Variants in CYB5D2 observed in about 807,000 individuals in gnomAD.
The protein encoded by CYB5D2 is neuferricin.
Under a neutral mutation model 22.8 loss-of-function variants are expected in CYB5D2, and 23 were observed. The ratio of observed to expected loss-of-function variants is 1.01; its 90% CI spans 0.73 to 1.43. The LOEUF is 1.43. Among genes scored for constraint, CYB5D2 ranks in the 40% most tolerant of loss-of-function variants. The pLI is 0.00. For missense variants in CYB5D2, 373 were observed against 357.2 expected (o/e 1.04, Z -0.36); for synonymous variants, 170 against 152.2 (o/e 1.12, Z -0.86).
intron 3 of CYB5D2, among the ~76,000 whole-genome samples, chr17:4,155,391 G>A (rs746182063): frequency 6.6e-6 from 1 of 152,186 alleles, no homozygotes. Flanking sequence ...ACTGAGGCAG[G>A]CAGGTCGCTT....
chr17:4,154,633 A>G, intron 2 of CYB5D2, 41 bp from the exon 3 acceptor site: 1 of 1,586,240 alleles, frequency 6.3e-7, no homozygotes, highest in Non-Finnish European at 8.6e-7. Context: ...TCAGCAGCTG[A>G]GTATTCACTC....
intron 2 of CYB5D2, chr17:4,150,813 GA>G (rs1177842802): frequency 6.6e-5 from 10 of 152,346 alleles, no homozygotes; most frequent in African/African-American, 2.2e-4. Context: ...TTCAGCCCGG[GA>G]GATGGAGGTT....
At position 4,153,474 on chromosome 17, in the gene CYB5D2, A is replaced by G. The variant is rs370477321; in HGVS notation, c.392-1200A>G. Among the ~76,000 whole-genome samples the G allele has an allele frequency of 3.5e-4, 53 of 152,358 alleles. No individual in the cohort carries two copies. In the East Asian group the frequency reaches 9.1e-3, roughly 26 times the overall value. On this transcript the variant is annotated intron_variant, in intron 2 of 3. Coordinates refer to ENST00000301391, the MANE Select transcript of CYB5D2 (RefSeq NM_144611.4). ...GTTACAGGGCCTTAGAGGCCTTGAT[A>G]AGAAATTTGCATTTTTGTCTGCTTT...
Position 4,149,987 on chromosome 17 carries a change from T to C in CYB5D2, c.347T>C (p.Leu116Pro). The change falls in exon 2 of 4, where the codon CTT becomes CCT. Residue 116 changes from leucine to proline, a missense_variant. Physicochemically the swap from Leu to Pro is moderately conservative, Grantham distance 98 (BLOSUM62 -3). Coordinates refer to ENST00000301391, the MANE Select transcript of CYB5D2 (RefSeq NM_144611.4). ...CTGTCAGCCGCTGAGATGCTGACAC[T>C]TCACAATTGGCTTTCATTCTATGAG... is the stretch of plus-strand genomic sequence containing the variant. ...SDLSAAEMLTLHNWLSFYEKN... is the reference protein window; with the variant it reads ...SDLSAAEMLTPHNWLSFYEKN... 6.2e-7 allele frequency: 1 copy of C among 1,614,158 alleles called. No homozygotes were observed. The highest frequency in any genetic ancestry group is 1.1e-5 in the South Asian group (1 of 91,074).
chr17:4,149,767 C>T (rs2081279164), intron 1 of CYB5D2, 124 bp from the exon 2 acceptor site: 1 of 1,249,742 alleles, frequency 8.0e-7, no homozygotes, highest in African/African-American at 1.5e-5. Context: ...CCACTGCACT[C>T]CAGCCTGGGC....
At chr17:4,156,753 A>G (rs553796593) in intron 3 of CYB5D2, 113 bp from the exon 4 acceptor site, 16 of 1,154,160 alleles carry the variant, frequency 1.4e-5, no homozygotes, top group Non-Finnish European at 2.0e-5. Context: ...CTTGGGAAAC[A>G]CTCTGGTAGG....
chr17:4,150,660 G>C (rs1474888805), intron 2 of CYB5D2, among the ~76,000 whole-genome samples: 1 of 152,138 alleles, frequency 6.6e-6, no homozygotes, highest in African/African-American at 2.4e-5. Flanking sequence ...TGAGGCGGTT[G>C]GATCACTTGA....
intron 3 of CYB5D2, among the ~76,000 whole-genome samples, chr17:4,155,966 C>T (rs1173401501): frequency 6.6e-6 from 1 of 152,260 alleles, no homozygotes; most frequent in Non-Finnish European, 1.5e-5. Flanking sequence ...TCCCATTAGA[C>T]TGAGAGGAAC....
rs144617379 is a variant in CYB5D2 at position 4,143,759 on chromosome 17, T to C, written c.4T>C (p.Leu2=). M[L]RCGGRGLLLG... is the part of the protein sequence containing the mutation. ...CGGAGCGGGTGGGCCTATATAGATG[T>C]TGAGGTGCGGAGGCCGTGGGCTTTT... The change falls in exon 1 of 4, where the codon TTG becomes CTG. Residue 2 remains leucine (L), a synonymous_variant. Coordinates refer to ENST00000301391, the MANE Select transcript of CYB5D2 (RefSeq NM_144611.4). 6.2e-7 allele frequency: 1 copy of C among 1,613,074 alleles called. No individual in the cohort carries two copies. Among genetic ancestry groups the C allele is most frequent in the African/African-American group, 1.3e-5 (1 of 74,864 alleles).
rs1243153123 is a variant in CYB5D2, at chr17:4,150,006, C to G, written c.366C>G (p.Phe122Leu). 2 of 1,614,070 alleles carry G rather than the reference C, an allele frequency of 1.2e-6. No homozygotes were observed. The highest frequency in any genetic ancestry group is 1.7e-6 in the Non-Finnish European group (2 of 1,180,034). The part of the protein sequence containing the change: ...EMLTLHNWLS[F>L]YEKNYVCVGR... ...TGACACTTCACAATTGGCTTTCATT[C>G]TATGAGAAGAATTATGTGTGTGTTG... is the stretch of plus-strand genomic sequence containing the variant. Residue 122 changes from phenylalanine to leucine, a missense_variant, in exon 2 of 4, where the codon TTC becomes TTG. Phe to Leu is a conservative substitution (Grantham distance 22). Coordinates refer to ENST00000301391, the MANE Select transcript of CYB5D2 (RefSeq NM_144611.4).
At position 4,143,913 on chromosome 17, in the gene CYB5D2, C is replaced by CGGGCCTGTACTTGGCGTTGCT; in HGVS notation, c.159_179dup (p.Leu55_Gly61dup). 1.2e-6 allele frequency: 2 copies of CGGGCCTGTACTTGGCGTTGCT among 1,613,762 alleles called. No homozygotes were observed. The highest frequency in any genetic ancestry group is 1.7e-6 in the Non-Finnish European group (2 of 1,180,004). ...CGCTACCGCGGCGGCCCAGGGGACC[C>CGGGCCTGTACTTGGCGTTGCT]GGGCCTGTACTTGGCGTTGCTCGGC... is the stretch of plus-strand genomic sequence containing the variant. On this transcript the variant is annotated inframe_insertion, in exon 1 of 4. Coordinates refer to ENST00000301391, the MANE Select transcript of CYB5D2 (RefSeq NM_144611.4).
At position 4,157,140 on chromosome 17, in the gene CYB5D2, C is replaced by T. The variant is rs970344518; in HGVS notation, c.*58C>T. On this transcript the variant is annotated 3_prime_UTR_variant, in exon 4 of 4. Transcript: ENST00000301391. This position sits in a 1 kb window ranked among gnomAD's most constrained non-coding sequence, Gnocchi z 4.4. Reference sequence around the variant, plus strand: ...AGCTCTGCCAAGCACCTGAGTAGGCCCTTGACACTTGTGTGCCCTGGGATG... The same window carrying T: ...AGCTCTGCCAAGCACCTGAGTAGGCTCTTGACACTTGTGTGCCCTGGGATG... The T allele has an allele frequency of 6.4e-6, 10 of 1,571,662 alleles. No individual in the cohort carries two copies. Among genetic ancestry groups the T allele is most frequent in the Non-Finnish European group, 8.7e-6 (10 of 1,152,516 alleles).
Position 4,156,916 on chromosome 17 carries a change from C to T in CYB5D2, c.629C>T (p.Pro210Leu). 1 of 1,612,798 alleles carries T rather than the reference C, an allele frequency of 6.2e-7. No homozygotes were observed. Among genetic ancestry groups the T allele is most frequent in the Middle Eastern group, 2.0e-4 (1 of 4,932 alleles). Reference protein sequence around the residue: ...WIGVPRKLYKPGAKEPRCVCV... With the variant: ...WIGVPRKLYKLGAKEPRCVCV... ...GGCGTCCCCAGGAAGCTGTATAAGC[C>T]AGGTGCTAAGGAGCCCCGCTGCGTG... Residue 210 changes from proline to leucine, a missense_variant, in exon 4 of 4, where the codon CCA (proline) becomes CTA (leucine). Transcript: ENST00000301391.
In CYB5D2 at chr17:4,156,925, A is replaced by T. The variant is rs553951783; in HGVS notation, c.638A>T (p.Lys213Met). 4.3e-6 allele frequency: 7 copies of T among 1,612,816 alleles called. No homozygotes were observed. In the African/African-American group the frequency reaches 6.7e-5, roughly 15 times the overall value. The change falls in exon 4 of 4, where the codon AAG becomes ATG. Residue 213 changes from lysine to methionine, a missense_variant. By Grantham distance (95) the Lys-to-Met change is moderately conservative. Coordinates refer to ENST00000301391, the MANE Select transcript of CYB5D2 (RefSeq NM_144611.4). Reference protein sequence around the residue: ...VPRKLYKPGAKEPRCVCVRTT... With the variant: ...VPRKLYKPGAMEPRCVCVRTT... ...AGGAAGCTGTATAAGCCAGGTGCTA[A>T]GGAGCCCCGCTGCGTGTGTGTGAGA... is the stretch of plus-strand genomic sequence containing the variant.
At position 4,144,431 on chromosome 17, in the gene CYB5D2, C is replaced by T. The variant is rs370732088; in HGVS notation, c.250+426C>T. Among the ~76,000 whole-genome samples, 4 of 151,998 alleles carry T rather than the reference C, an allele frequency of 2.6e-5. No homozygotes were observed. In the East Asian group the frequency reaches 7.7e-4, roughly 29 times the overall value. ...GCCCTGGTCCCAAATAATCTTTCTT[C>T]CCCCCACCCCTAAGCATAGTGTTTT... On this transcript the variant is annotated intron_variant, in intron 1 of 3. Transcript: ENST00000301391.
chr17:4,143,636 A>C lies in CYB5D2; in HGVS notation c.-120A>C. On this transcript the variant is annotated 5_prime_UTR_variant, in exon 1 of 4. Transcript: ENST00000301391. The stretch of plus-strand genomic sequence containing the variant: ...GACTAAGGGAGGGAGCGCGAGCACT[A>C]GCGCGCGAGAGAGAGAGCGAGAGCG... 1.3e-3 allele frequency: 1,569 copies of C among 1,171,996 alleles called. No individual in the cohort carries two copies. The highest frequency in any genetic ancestry group is 1.6e-3 in the Non-Finnish European group (1,359 of 840,086). The allele number at this position is 1,171,996 out of a possible 1,614,324, so 72.6% of individuals were successfully genotyped here.
At chr17:4,144,125 A>C in intron 1 of CYB5D2, 120 bp downstream of exon 1, 6 of 1,369,892 alleles carry the variant, frequency 4.4e-6, no homozygotes, top group Non-Finnish European at 5.9e-6. Context: ...ACATCCATCA[A>C]ACCCGTGCGG....
rs2059095362 is a variant in CYB5D2, at chr17:4,154,764, C to A, written c.482C>A (p.Ala161Asp). The change falls in exon 3 of 4, where the codon GCC becomes GAC. Residue 161 changes from alanine to aspartate, a missense_variant. Coordinates refer to ENST00000301391, the MANE Select transcript of CYB5D2 (RefSeq NM_144611.4). ...VEAAITRGLE[A>D]NKLQLQEKQT... ...GCTGCGATCACCAGAGGCTTGGAGG[C>A]CAACAAACTACAGCTGCAAGAGAAG... is the stretch of plus-strand genomic sequence containing the variant. 1 of 1,614,078 alleles carries A rather than the reference C, an allele frequency of 6.2e-7. No homozygotes were observed. The highest frequency in any genetic ancestry group is 8.5e-7 in the Non-Finnish European group (1 of 1,180,034).
At chr17:4,156,822 A>G (rs1468766912) in intron 3 of CYB5D2, 44 bp from the exon 4 acceptor site, 3 of 1,602,236 alleles carry the variant, frequency 1.9e-6, no homozygotes, top group Admixed American at 1.7e-5. Flanking sequence ...CCAGAGACTC[A>G]TGAGTTCTCA....
Sources: allele counts gnomAD v4.1 joint callset (sites outside exome capture counted in the v4.1 genomes callset), GRCh38; gene constraint gnomAD v4.1.1; non-coding constraint Gnocchi (gnomAD v3.1); transcripts MANE v1.5; gene names NCBI Gene and HGNC (gene_info 2026-07-23, HGNC 2026-07-21).